The following CACNA2D1 variants were observed in gnomAD, a reference collection of about 807,000 sequenced individuals.
CACNA2D1 encodes calcium voltage-gated channel auxiliary subunit alpha2delta 1.
In CACNA2D1, 53 loss-of-function variants were observed where a neutral mutation model predicts 171.5. The ratio of observed to expected loss-of-function variants is 0.31; its 90% CI spans 0.25 to 0.39. The LOEUF is 0.39. Ranked by LOEUF, CACNA2D1 falls within the 10% of genes least tolerant of loss-of-function variation. The pLI is 1.00. For synonymous variants in CACNA2D1, 442 were observed against 443.1 expected (o/e 1.00, Z 0.03); for missense variants, 903 against 1,299.8 (o/e 0.69, Z 4.69).
chr7:82,267,888 T>C (rs1422075964), intron 3 of CACNA2D1, among the ~76,000 whole-genome samples: 1 of 152,032 alleles, frequency 6.6e-6, no homozygotes, highest in Non-Finnish European at 1.5e-5. Context: ...TCTCAGCTAC[T>C]CGGGAGCCTG....
intron 3 of CACNA2D1, among the ~76,000 whole-genome samples, chr7:82,210,062 A>G (rs541138461): frequency 2.0e-5 from 3 of 152,178 alleles, no homozygotes; most frequent in Non-Finnish European, 4.4e-5. Flanking sequence ...TATAAAAGCT[A>G]TATTTTTCAC....
At position 81,974,468 on chromosome 7, in the gene CACNA2D1, T is replaced by C. The variant is rs538190370; in HGVS notation, c.2040A>G (p.Pro680=). 8.5e-6 allele frequency: 13 copies of C among 1,528,314 alleles called. No individual in the cohort carries two copies. In the East Asian group the frequency reaches 2.9e-4, roughly 35 times the overall value. 94.7% of individuals were successfully genotyped at this position (1,528,314 alleles called of 1,614,324 possible). Residue 680 remains proline, a synonymous_variant, in exon 25 of 39, where the codon CCA becomes CCG. Coordinates refer to ENST00000356860, the MANE Select transcript of CACNA2D1 (RefSeq NM_000722.4). ...NFNEFIDRKT[P]NNPSCNADLI... ...ATGCATACTTACATGATGGGTTGTT[T>C]GGAGTTTTTCTATCAATAAACTCGT...
intron 5 of CACNA2D1, among the ~76,000 whole-genome samples, chr7:82,128,326 A>G (rs1790576929): frequency 6.6e-6 from 1 of 152,174 alleles, no homozygotes; most frequent in Non-Finnish European, 1.5e-5. Flanking sequence ...TTAATTCTAT[A>G]CTTAATTTCA....
intron 3 of CACNA2D1, among the ~76,000 whole-genome samples, chr7:82,249,073 G>A (rs962044970): frequency 1.3e-5 from 2 of 149,964 alleles, no homozygotes; most frequent in East Asian, 2.0e-4. Context: ...CTGAGATCGC[G>A]CCACTGCACT....
At chr7:82,143,063 G>T (rs978717343) in intron 4 of CACNA2D1, among the ~76,000 whole-genome samples, 2 of 152,066 alleles carry the variant, frequency 1.3e-5, no homozygotes, top group African/African-American at 4.8e-5. Flanking sequence ...GTGGTGAGGG[G>T]GGATATGAAT....
chr7:82,110,804 C>G (rs1464854405), intron 6 of CACNA2D1, among the ~76,000 whole-genome samples: 1 of 152,190 alleles, frequency 6.6e-6, no homozygotes, highest in Non-Finnish European at 1.5e-5. Flanking sequence ...CCTTCTCTAT[C>G]TACCCATTAT....
At chr7:82,069,713 C>CTTTTTTTTTTTTT (rs3839803) in intron 7 of CACNA2D1, among the ~76,000 whole-genome samples, 1 of 150,182 alleles carries the variant, frequency 6.7e-6, no homozygotes, top group Non-Finnish European at 1.5e-5. Flanking sequence ...CGAAGTACCC[C>CTTTTTTTTTTTTT]TTTTTTTTTT....
chr7:82,239,793 A>G (rs1333390898), intron 3 of CACNA2D1, among the ~76,000 whole-genome samples: 1 of 152,040 alleles, frequency 6.6e-6, no homozygotes, highest in African/African-American at 2.4e-5. Flanking sequence ...GGAAGGCCCC[A>G]TTGGAGGTCA....
chr7:82,030,488 C>T (rs1802547239), intron 12 of CACNA2D1, among the ~76,000 whole-genome samples: 1 of 150,926 alleles, frequency 6.6e-6, no homozygotes, highest in African/African-American at 2.4e-5. Flanking sequence ...TAGTTAAATC[C>T]ACCTGAAAAA....
At chr7:82,174,777 C>G (rs1346806218) in intron 3 of CACNA2D1, among the ~76,000 whole-genome samples, 1 of 152,078 alleles carries the variant, frequency 6.6e-6, no homozygotes, top group Non-Finnish European at 1.5e-5. Context: ...CTTTACAGGT[C>G]TTGTCCTCAA....
At chr7:82,251,557 A>T (rs1310518763) in intron 3 of CACNA2D1, among the ~76,000 whole-genome samples, 1 of 152,174 alleles carries the variant, frequency 6.6e-6, no homozygotes, top group Non-Finnish European at 1.5e-5. Flanking sequence ...AGATCCTTGT[A>T]AAGCAATTAC....
chr7:82,387,099 A>G (rs976942328), intron 1 of CACNA2D1, among the ~76,000 whole-genome samples: 3 of 152,234 alleles, frequency 2.0e-5, no homozygotes, highest in East Asian at 3.9e-4. Flanking sequence ...TTTGAGAACA[A>G]TTAGGTCATT....
chr7:82,303,889 C>G (rs1813365682), intron 3 of CACNA2D1, among the ~76,000 whole-genome samples: 1 of 152,050 alleles, frequency 6.6e-6, no homozygotes. Flanking sequence ...ACAAAAGCTT[C>G]TGCACAGCAA....
intron 3 of CACNA2D1, among the ~76,000 whole-genome samples, chr7:82,260,666 A>G (rs1806950731): frequency 6.6e-6 from 1 of 152,210 alleles, no homozygotes; most frequent in Non-Finnish European, 1.5e-5. Context: ...CTACAGCTGA[A>G]GAAATGGCCT....
chr7:82,195,987 T>C (rs954840992), intron 3 of CACNA2D1, among the ~76,000 whole-genome samples: 4 of 152,056 alleles, frequency 2.6e-5, no homozygotes, highest in African/African-American at 9.7e-5. Flanking sequence ...TATCTAAATG[T>C]AGTCACTGAG....
chr7:82,152,174 C>A (rs565160693), intron 4 of CACNA2D1, among the ~76,000 whole-genome samples: 1 of 151,798 alleles, frequency 6.6e-6, no homozygotes, highest in South Asian at 2.1e-4. Flanking sequence ...TAATAATATG[C>A]CTTCCATTTA....
At chr7:82,316,298 G>T (rs939157651) in intron 3 of CACNA2D1, among the ~76,000 whole-genome samples, 1 of 152,126 alleles carries the variant, frequency 6.6e-6, no homozygotes, top group Non-Finnish European at 1.5e-5. Context: ...TTGCTTGTTT[G>T]TACTTGGGTG....
At chr7:81,968,428 A>G (rs1794932114) in intron 29 of CACNA2D1, among the ~76,000 whole-genome samples, 1 of 151,384 alleles carries the variant, frequency 6.6e-6, no homozygotes, top group South Asian at 2.1e-4. Context: ...AGCCCTACCT[A>G]ATTCACTTTA....
intron 18 of CACNA2D1, among the ~76,000 whole-genome samples, chr7:81,998,488 T>C (rs2130808064): frequency 6.6e-6 from 1 of 152,182 alleles, no homozygotes; most frequent in East Asian, 1.9e-4. Flanking sequence ...ATCAAGATGT[T>C]GAATGACATA....
Sources: allele counts gnomAD v4.1 joint callset (sites outside exome capture counted in the v4.1 genomes callset), GRCh38; gene constraint gnomAD v4.1.1; transcripts MANE v1.5; gene names NCBI Gene and HGNC (gene_info 2026-07-23, HGNC 2026-07-21).